CRB1: variants seen among roughly 807,000 people sequenced by gnomAD.
CRB1 encodes protein crumbs homolog 1.
Under a neutral mutation model 120.0 loss-of-function variants are expected in CRB1, and 83 were observed. That is an observed-to-expected ratio of 0.69 (90% CI 0.58 to 0.83). The LOEUF is 0.83. Among genes scored for constraint, CRB1 ranks in the 40% least tolerant of loss-of-function variants. The probability of loss-of-function intolerance (pLI) is 0.00; values close to 1 mark genes in which losing one functional copy is unlikely to be tolerated. For missense variants in CRB1, 1,699 were observed against 1,687.6 expected, an observed-to-expected ratio of 1.01 and a Z score of -0.12; for synonymous variants, 625 against 612.5, an observed-to-expected ratio of 1.02 and a Z score of -0.30.
In CRB1 at chr1:197,409,958, G is replaced by T. The variant is rs565529230; in HGVS notation, c.1172-11042G>T. ...GCCACCATGCCCGGCTACTTTTTTT[G>T]TATTTTTTAGTAGAGACGGGGTTTC... On this transcript the variant is annotated intron_variant, in intron 5 of 11. Coordinates refer to ENST00000367400, the MANE Select transcript of CRB1 (RefSeq NM_201253.3). Among the ~76,000 whole-genome samples, 6 of 152,104 alleles carry T rather than the reference G, an allele frequency of 3.9e-5. No individual in the cohort carries two copies. In the East Asian group the frequency reaches 7.7e-4, roughly 20 times the overall value.
intron 1 of CRB1, among the ~76,000 whole-genome samples, chr1:197,308,620 T>C (rs964687517): frequency 6.6e-6 from 1 of 152,106 alleles, no homozygotes; most frequent in Non-Finnish European, 1.5e-5. Context: ...ATGATGGTGA[T>C]GATGCTTTGG....
In CRB1 at chr1:197,363,942, G is replaced by T. The variant is rs1210930773; in HGVS notation, c.1171+6929G>T. 19 of 1,323,650 alleles carry T rather than the reference G, an allele frequency of 1.4e-5. No individual in the cohort carries two copies. The East Asian group carries it at 3.9e-4, about 27-fold the overall frequency. The allele number at this position is 1,323,650 out of a possible 1,614,324, so 82.0% of individuals were successfully genotyped here. The stretch of plus-strand genomic sequence containing the variant: ...GGCTCACTGAGGACATTAAGCTTCG[G>T]CGGTATTATGAGAAGCCATGCGGCC... On this transcript the variant is annotated intron_variant, in intron 5 of 11. Coordinates refer to ENST00000367400, the MANE Select transcript of CRB1 (RefSeq NM_201253.3).
chr1:197,300,941 C>T (rs150467067), intron 1 of CRB1, among the ~76,000 whole-genome samples: 12 of 151,136 alleles, frequency 7.9e-5, no homozygotes, highest in African/African-American at 1.5e-4. Flanking sequence ...ATAAATGGAA[C>T]AATAAAGCCT....
chr1:197,345,228 C>T (rs1159047842), intron 3 of CRB1, among the ~76,000 whole-genome samples: 1 of 152,130 alleles, frequency 6.6e-6, no homozygotes, highest in Admixed American at 6.5e-5. Context: ...ACAAGATTAG[C>T]ACTTAAAATT....
At chr1:197,214,339 A>G in the CRB1 span, among the ~76,000 whole-genome samples, 958 of 152,238 alleles carry the variant, frequency 6.3e-3, 14 homozygotes, top group African/African-American at 0.022. Context: ...TGCCCTCCAT[A>G]TGCATGAGTT....
the CRB1 span, among the ~76,000 whole-genome samples, chr1:197,224,329 G>A: frequency 9.2e-5 from 14 of 152,058 alleles, no homozygotes; most frequent in African/African-American, 2.7e-4. Context: ...AGACAGAAGC[G>A]ACTTTGAATA....
At chr1:197,223,388 G>A in the CRB1 span, 1 of 489,942 alleles carries the variant, frequency 2.0e-6, no homozygotes, top group Non-Finnish European at 3.7e-6. Context: ...TCTATTTTGT[G>A]TGTGCCTATG....
At chr1:197,364,021 G>T (rs886461191) in intron 5 of CRB1, 1 of 1,385,420 alleles carries the variant, frequency 7.2e-7, no homozygotes, top group Non-Finnish European at 1.0e-6. Context: ...TATGGAAATG[G>T]CTCACAAGAT....
intron 2 of CRB1, among the ~76,000 whole-genome samples, chr1:197,338,212 G>A (rs536215922): frequency 6.6e-6 from 1 of 152,014 alleles, no homozygotes; most frequent in Non-Finnish European, 1.5e-5. Flanking sequence ...AAGTGTGGGT[G>A]TATATATATG....
the CRB1 span, among the ~76,000 whole-genome samples, chr1:197,217,004 G>T: frequency 6.6e-6 from 1 of 151,902 alleles, no homozygotes; most frequent in Admixed American, 6.6e-5. Context: ...TAAGGATCTA[G>T]TATCTAGAAT....
the CRB1 span, among the ~76,000 whole-genome samples, chr1:197,208,895 T>C: frequency 6.6e-6 from 1 of 152,032 alleles, no homozygotes; most frequent in African/African-American, 2.4e-5. Context: ...CCTTGGTCAG[T>C]GTTTGCTGTG....
intron 4 of CRB1, among the ~76,000 whole-genome samples, chr1:197,350,608 G>A (rs546197733): frequency 1.1e-4 from 16 of 152,300 alleles, no homozygotes; most frequent in African/African-American, 3.8e-4. Context: ...CTTCCTCCAA[G>A]GAGCCTAAAT....
chr1:197,225,523 C>A, the CRB1 span, among the ~76,000 whole-genome samples: 1 of 152,184 alleles, frequency 6.6e-6, no homozygotes, highest in Non-Finnish European at 1.5e-5. Flanking sequence ...ATTTTCCAGC[C>A]TCCCTCTCAG....
At chr1:197,434,022 A>G (rs940491898) in intron 8 of CRB1, among the ~76,000 whole-genome samples, 41 of 152,162 alleles carry the variant, frequency 2.7e-4, no homozygotes, top group African/African-American at 9.4e-4. Context: ...AATGGGGAAA[A>G]AAGTTTTTAA....
chr1:197,392,316 T>C (rs1662548116), intron 5 of CRB1, among the ~76,000 whole-genome samples: 2 of 151,942 alleles, frequency 1.3e-5, no homozygotes. Flanking sequence ...AGAAAAGGGC[T>C]CAAAATCTGA....
the CRB1 span, among the ~76,000 whole-genome samples, chr1:197,202,831 C>T: frequency 6.6e-6 from 1 of 152,112 alleles, no homozygotes; most frequent in Admixed American, 6.5e-5. Context: ...GTGGCAGGGG[C>T]AGGTCACATC....
intron 5 of CRB1, among the ~76,000 whole-genome samples, chr1:197,403,064 T>C (rs1663147742): frequency 6.6e-6 from 1 of 152,222 alleles, no homozygotes; most frequent in South Asian, 2.1e-4. Flanking sequence ...GAAAATAATG[T>C]AGTATTCTAA....
At chr1:197,244,921 A>T in the CRB1 span, among the ~76,000 whole-genome samples, 28 of 151,106 alleles carry the variant, frequency 1.9e-4, no homozygotes, top group African/African-American at 5.8e-4. Context: ...CTTTTATATC[A>T]CTGCTTTTTT....
At chr1:197,262,175 A>T in the CRB1 span, among the ~76,000 whole-genome samples, 3 of 152,178 alleles carry the variant, frequency 2.0e-5, no homozygotes. Context: ...TAGTACGTGT[A>T]AAACAAACAA....
Sources: allele counts gnomAD v4.1 joint callset (sites outside exome capture counted in the v4.1 genomes callset), GRCh38; gene constraint gnomAD v4.1.1; transcripts MANE v1.5; gene names NCBI Gene and HGNC (gene_info 2026-07-23, HGNC 2026-07-21).